Variants in ZNF474 observed in about 807,000 individuals in gnomAD.
ZNF474 encodes the protein 4933409D10Rik.
For missense variants in ZNF474, 511 were observed against 433.8 expected, an observed-to-expected ratio of 1.18 and a Z score of -1.58; for synonymous variants, 192 against 162.2, an observed-to-expected ratio of 1.18 and a Z score of -1.39.
intron 1 of ZNF474, among the ~76,000 whole-genome samples, chr5:122,150,913 T>G (rs1756152720): frequency 6.6e-6 from 1 of 152,192 alleles, no homozygotes; most frequent in Non-Finnish European, 1.5e-5. Flanking sequence ...CATCTTTCCA[T>G]GAAAGATCTG....
Position 122,152,378 on chromosome 5 carries a change from C to A in ZNF474, c.388C>A (p.His130Asn). Residue 130 changes from histidine to asparagine, a missense_variant, in exon 2 of 2, where the codon CAT becomes AAT. Transcript: ENST00000296600. The stretch of plus-strand genomic sequence containing the variant: ...TATTGAAAACAGCAAGTTGCCCAAG[C>A]ATTTGAGGAGGCCAGAACCCTCCAA... ...WHIENSKLPK[H>N]LRRPEPSKPQ... The A allele has an allele frequency of 6.2e-7, 1 of 1,614,172 alleles. No individual in the cohort carries two copies. Among genetic ancestry groups the A allele is most frequent in the Non-Finnish European group, 8.5e-7 (1 of 1,180,040 alleles).
chr5:122,132,808 C>A (rs1185661112), intron 1 of ZNF474, among the ~76,000 whole-genome samples: 1 of 152,116 alleles, frequency 6.6e-6, no homozygotes, highest in Non-Finnish European at 1.5e-5. Context: ...GTAAATTGAC[C>A]ATATGTTTCT....
At chr5:122,142,971 C>T (rs575539630) in intron 1 of ZNF474, among the ~76,000 whole-genome samples, 26 of 152,272 alleles carry the variant, frequency 1.7e-4, no homozygotes, top group African/African-American at 6.3e-4. Flanking sequence ...TTTTTGACTT[C>T]CTTCCCAGGC....
chr5:122,135,055 A>T (rs1402165343), intron 1 of ZNF474, among the ~76,000 whole-genome samples: 1 of 152,246 alleles, frequency 6.6e-6, no homozygotes, highest in African/African-American at 2.4e-5. Context: ...AACAAAGTGA[A>T]GAGACAACCC....
At chr5:122,135,430 A>T (rs561907704) in intron 1 of ZNF474, among the ~76,000 whole-genome samples, 1 of 152,216 alleles carries the variant, frequency 6.6e-6, no homozygotes, top group Non-Finnish European at 1.5e-5. Flanking sequence ...TGCAAATCAA[A>T]ACTAAAACAA....
chr5:122,152,129 A>T lies in ZNF474; in HGVS notation c.139A>T (p.Ser47Cys). The T allele has an allele frequency of 6.2e-7, 1 of 1,614,172 alleles. No individual in the cohort carries two copies. Among genetic ancestry groups the T allele is most frequent in the Non-Finnish European group, 8.5e-7 (1 of 1,180,038 alleles). ...SYSSLSPETE[S>C]VNPGENIKTD... ...TTCTAGCCTTTCCCCAGAAACAGAGAGTGTTAATCCTGGTGAAAATATAAA... is the reference window on the plus strand; with the variant it reads ...TTCTAGCCTTTCCCCAGAAACAGAGTGTGTTAATCCTGGTGAAAATATAAA... The change falls in exon 2 of 2, where the codon AGT becomes TGT. Residue 47 changes from serine to cysteine, a missense_variant. By Grantham distance (112) the Ser-to-Cys change is moderately radical. Coordinates refer to ENST00000296600, the MANE Select transcript of ZNF474 (RefSeq NM_207317.3).
intron 1 of ZNF474, among the ~76,000 whole-genome samples, chr5:122,144,754 CT>C (rs1755942948): frequency 6.6e-6 from 1 of 152,136 alleles, no homozygotes; most frequent in South Asian, 2.1e-4. Flanking sequence ...GACTCTTCCA[CT>C]TTTTTCTTTT....
At chr5:122,140,372 T>C (rs1755807839) in intron 1 of ZNF474, among the ~76,000 whole-genome samples, 1 of 152,214 alleles carries the variant, frequency 6.6e-6, no homozygotes, top group African/African-American at 2.4e-5. Flanking sequence ...ATATCCACAC[T>C]ATAGTTCTGC....
intron 1 of ZNF474, among the ~76,000 whole-genome samples, chr5:122,143,435 A>G (rs1755901446): frequency 6.6e-6 from 1 of 152,084 alleles, no homozygotes; most frequent in Non-Finnish European, 1.5e-5. Flanking sequence ...ATATGCATCT[A>G]TTTGCAGTTC....
At chr5:122,148,839 C>T (rs536248448) in intron 1 of ZNF474, among the ~76,000 whole-genome samples, 9 of 151,952 alleles carry the variant, frequency 5.9e-5, no homozygotes, top group Non-Finnish European at 8.8e-5. Context: ...CGGATTCAAG[C>T]GATTCTCCTG....
At chr5:122,132,973 G>T (rs996951356) in intron 1 of ZNF474, among the ~76,000 whole-genome samples, 1 of 152,108 alleles carries the variant, frequency 6.6e-6, no homozygotes, top group East Asian at 1.9e-4. Flanking sequence ...TGAACCATAC[G>T]CAAGAATTAG....
At chr5:122,133,229 T>C (rs551902225) in intron 1 of ZNF474, among the ~76,000 whole-genome samples, 1 of 152,322 alleles carries the variant, frequency 6.6e-6, no homozygotes, top group Non-Finnish European at 1.5e-5. Flanking sequence ...CAGACACTGT[T>C]CTAGACAGGA....
chr5:122,133,457 A>G (rs904767774), intron 1 of ZNF474, among the ~76,000 whole-genome samples: 1 of 152,248 alleles, frequency 6.6e-6, no homozygotes, highest in Non-Finnish European at 1.5e-5. Context: ...AATATTTTCC[A>G]GCATCTCCAA....
chr5:122,151,112 G>T (rs1377550184), intron 1 of ZNF474, among the ~76,000 whole-genome samples: 1 of 152,144 alleles, frequency 6.6e-6, no homozygotes, highest in Admixed American at 6.5e-5. Context: ...TACTTCTTCT[G>T]CAAGAGTTCT....
chr5:122,134,796 A>G (rs1755660410), intron 1 of ZNF474, among the ~76,000 whole-genome samples: 1 of 152,214 alleles, frequency 6.6e-6, no homozygotes, highest in South Asian at 2.1e-4. Context: ...CTAGATAATT[A>G]TATGCAGAAG....
chr5:122,152,382 TGAG>T lies in ZNF474; in HGVS notation c.397_399del (p.Arg133del), dbSNP rs1366231552. 6.2e-7 allele frequency: 1 copy of T among 1,614,152 alleles called. No homozygotes were observed. Among genetic ancestry groups the T allele is most frequent in the South Asian group, 1.1e-5 (1 of 91,074 alleles). On this transcript the variant is annotated inframe_deletion, in exon 2 of 2. Transcript: ENST00000296600. ...GAAAACAGCAAGTTGCCCAAGCATT[TGAG>T]GAGGCCAGAACCCTCCAAACCACAG...
intron 1 of ZNF474, among the ~76,000 whole-genome samples, chr5:122,147,125 G>A (rs544371822): frequency 1.1e-4 from 17 of 152,260 alleles, no homozygotes; most frequent in Middle Eastern, 6.8e-3. Context: ...CTTTTTGAAA[G>A]CAAGATTTCA....
chr5:122,135,786 T>C (rs1362898202), intron 1 of ZNF474, among the ~76,000 whole-genome samples: 1 of 152,178 alleles, frequency 6.6e-6, no homozygotes, highest in Non-Finnish European at 1.5e-5. Context: ...GTGGCACATA[T>C]ACTCAATGGA....
rs986992352 is a variant in ZNF474 at position 122,153,262 on chromosome 5, T to C, written c.*177T>C. 1.5e-5 allele frequency: 10 copies of C among 669,874 alleles called. No homozygotes were observed. The highest frequency in any genetic ancestry group is 4.0e-4 in the Middle Eastern group (1 of 2,494). 41.5% of individuals were successfully genotyped at this position (669,874 alleles called of 1,614,324 possible). A position where few individuals can be genotyped will look rare whatever the true frequency, so the allele number is the denominator to read the frequency against. On this transcript the variant is annotated 3_prime_UTR_variant, in exon 2 of 2. Transcript: ENST00000296600. ...AACATCCTTGCCTGATGGGTTCATA[T>C]TCCTCTTCAATTCTGCTGTCTAAAA...
Sources: gnomAD v4.1 joint callset for allele counts (sites outside exome capture counted in the v4.1 genomes callset) on GRCh38, gnomAD v4.1.1 for gene constraint, MANE v1.5 for transcripts, NCBI Gene and HGNC (gene_info 2026-07-23, HGNC 2026-07-21) for gene names.